LDLRAD4: variants seen among roughly 807,000 people sequenced by gnomAD.
LDLRAD4 encodes the protein low-density lipoprotein receptor class A domain-containing protein 4.
In LDLRAD4, 5 loss-of-function variants were observed where a neutral mutation model predicts 17.0. The ratio of observed to expected loss-of-function variants is 0.29; its 90% CI spans 0.15 to 0.62. The LOEUF is 0.62. Among genes scored for constraint, LDLRAD4 ranks in the 20% least tolerant of loss-of-function variants. The pLI is 0.84. For missense variants in LDLRAD4, 340 were observed against 424.7 expected, an observed-to-expected ratio of 0.80 and a Z score of 1.75; for synonymous variants, 168 against 171.8, an observed-to-expected ratio of 0.98 and a Z score of 0.17.
chr18:13,642,566 G>A, intron 4 of LDLRAD4: 1 of 1,228,468 alleles, frequency 8.1e-7, no homozygotes, highest in East Asian at 3.2e-5. Flanking sequence ...ACACTCGCTG[G>A]AGGATCCTGA....
Position 13,621,736 on chromosome 18 carries a change from C to T in LDLRAD4, c.336+465C>T, listed in dbSNP as rs906244708. Among the ~76,000 whole-genome samples the T allele has an allele frequency of 2.6e-5, 4 of 152,138 alleles. No homozygotes were observed. The highest frequency in any genetic ancestry group is 5.9e-5 in the Non-Finnish European group (4 of 68,030). On this transcript the variant is annotated intron_variant, in intron 4 of 5. Coordinates refer to ENST00000359446, the Ensembl canonical transcript of LDLRAD4. The surrounding 1 kb of genome is among the most constrained non-coding windows in gnomAD (Gnocchi z 5.5). ...GCCGGCAGCACATGGGTGCCATGAG[C>T]TGGAGGACGCCTGGAGCTTAAGGCC...
At chr18:13,402,169 A>G (rs532770112) in intron 2 of LDLRAD4, among the ~76,000 whole-genome samples, 33 of 152,336 alleles carry the variant, frequency 2.2e-4, no homozygotes, top group Middle Eastern at 3.4e-3. Context: ...CTTTTCCAAC[A>G]GATCCTTCAG....
intron 3 of LDLRAD4, among the ~76,000 whole-genome samples, chr18:13,601,416 C>T (rs1263427087): frequency 6.6e-6 from 1 of 152,032 alleles, no homozygotes; most frequent in South Asian, 2.1e-4. Flanking sequence ...AAATCAAAAC[C>T]ACAGTGACCA....
intron 3 of LDLRAD4, among the ~76,000 whole-genome samples, chr18:13,498,223 T>C (rs2093517465): frequency 6.7e-6 from 1 of 148,286 alleles, no homozygotes; most frequent in Non-Finnish European, 1.5e-5. Flanking sequence ...CACTGGAGAA[T>C]CCTTCTCCAC....
chr18:13,445,222 TGTAA>T (rs1297161896), intron 3 of LDLRAD4, among the ~76,000 whole-genome samples: 8 of 152,218 alleles, frequency 5.3e-5, no homozygotes, highest in Non-Finnish European at 5.9e-5. Context: ...CCTAAAGACA[TGTAA>T]GTGTGTGAGC....
intron 3 of LDLRAD4, among the ~76,000 whole-genome samples, chr18:13,461,716 C>A (rs2092437918): frequency 6.6e-6 from 1 of 152,052 alleles, no homozygotes; most frequent in Non-Finnish European, 1.5e-5. Flanking sequence ...CAGGAAGGGG[C>A]CAATCAGAGG....
intron 1 of LDLRAD4, among the ~76,000 whole-genome samples, chr18:13,222,044 A>G (rs2041482053): frequency 6.6e-6 from 1 of 152,228 alleles, no homozygotes; most frequent in Non-Finnish European, 1.5e-5. Context: ...CTTAACGAGG[A>G]CACAGAATGT....
At chr18:13,430,035 G>A (rs953549470) in intron 2 of LDLRAD4, among the ~76,000 whole-genome samples, 1 of 152,216 alleles carries the variant, frequency 6.6e-6, no homozygotes, top group African/African-American at 2.4e-5. Flanking sequence ...CCTTGCCCAG[G>A]CAGTGACGGG....
intron 3 of LDLRAD4, among the ~76,000 whole-genome samples, chr18:13,467,678 C>T (rs2092660408): frequency 6.6e-6 from 1 of 152,210 alleles, no homozygotes; most frequent in South Asian, 2.1e-4. Flanking sequence ...GCACACCTTA[C>T]AGCCAACACA....
intron 1 of LDLRAD4, among the ~76,000 whole-genome samples, chr18:13,257,615 T>C (rs1304944579): frequency 6.6e-6 from 1 of 152,124 alleles, no homozygotes; most frequent in Admixed American, 6.5e-5. Context: ...ATATAGGGGA[T>C]GATTTTATAG....
At chr18:13,442,836 C>T (rs1048429520) in intron 3 of LDLRAD4, among the ~76,000 whole-genome samples, 1 of 152,172 alleles carries the variant, frequency 6.6e-6, no homozygotes, top group African/African-American at 2.4e-5. Context: ...CACAGACCCC[C>T]GAAGCCAGCG....
intron 1 of LDLRAD4, among the ~76,000 whole-genome samples, chr18:13,349,619 T>A (rs1020897832): frequency 2.0e-5 from 3 of 152,242 alleles, no homozygotes; most frequent in Non-Finnish European, 2.9e-5. Flanking sequence ...CCCTCATTTT[T>A]ATTTTTTTAA....
intron 2 of LDLRAD4, among the ~76,000 whole-genome samples, chr18:13,430,419 C>G (rs914252475): frequency 6.6e-6 from 1 of 152,212 alleles, no homozygotes; most frequent in African/African-American, 2.4e-5. Flanking sequence ...ATCACTTTCA[C>G]TAAGTTTATT....
rs1286521525 is a variant in LDLRAD4, at chr18:13,345,724, G to C, written c.-382-41617G>C. Among the ~76,000 whole-genome samples, 3 of 152,138 alleles carry C rather than the reference G, an allele frequency of 2.0e-5. No homozygotes were observed. The East Asian group carries it at 5.8e-4, about 29-fold the overall frequency. ...ATCCATCTGGTCCTGGACTTTTTTT[G>C]GTTGGTAAGCTATTATTGCCTCAAT... On this transcript the variant is annotated intron_variant, in intron 1 of 5. Transcript: ENST00000359446.
chr18:13,434,557 A>G (rs1364002461), intron 2 of LDLRAD4, among the ~76,000 whole-genome samples: 1 of 152,184 alleles, frequency 6.6e-6, no homozygotes, highest in East Asian at 1.9e-4. Context: ...AAGAATAGAC[A>G]ACATATTTTT....
At chr18:13,484,361 T>C (rs957514440) in intron 3 of LDLRAD4, among the ~76,000 whole-genome samples, 28 of 152,226 alleles carry the variant, frequency 1.8e-4, no homozygotes, top group Admixed American at 3.9e-4. Context: ...GTGCAGTGGC[T>C]TGCGCCTGAG....
chr18:13,512,057 C>T (rs1459117661), intron 3 of LDLRAD4, among the ~76,000 whole-genome samples: 2 of 152,170 alleles, frequency 1.3e-5, no homozygotes, highest in African/African-American at 2.4e-5. Context: ...TGCGTTGCTC[C>T]GTTTATCTAA....
chr18:13,621,103 C>T lies in LDLRAD4; in HGVS notation c.182-14C>T, dbSNP rs1205095401. The T allele has an allele frequency of 4.3e-6, 7 of 1,614,202 alleles. No individual in the cohort carries two copies. The highest frequency in any genetic ancestry group is 4.2e-6 in the Non-Finnish European group (5 of 1,180,040). The stretch of plus-strand genomic sequence containing the variant: ...AGGGGCCAGGTGGCTAACCACTCTC[C>T]TCTTCCATGGCAGCGGAGCTGGAGT... On this transcript the variant is annotated splice_polypyrimidine_tract_variant and intron_variant, in intron 3 of 5. Coordinates refer to ENST00000359446, the Ensembl canonical transcript of LDLRAD4. This position sits in a 1 kb window ranked among gnomAD's most constrained non-coding sequence, Gnocchi z 5.5.
At chr18:13,238,898 G>A (rs1391414303) in intron 1 of LDLRAD4, among the ~76,000 whole-genome samples, 1 of 152,084 alleles carries the variant, frequency 6.6e-6, no homozygotes, top group African/African-American at 2.4e-5. Context: ...TAAGATTGCT[G>A]CTTGTAAGGC....
Sources: allele counts gnomAD v4.1 joint callset (sites outside exome capture counted in the v4.1 genomes callset), GRCh38; gene constraint gnomAD v4.1.1; non-coding constraint Gnocchi (gnomAD v3.1); transcripts MANE v1.5; gene names NCBI Gene and HGNC (gene_info 2026-07-23, HGNC 2026-07-21).